MYH15: variants seen among roughly 807,000 people sequenced by gnomAD.
MYH15 encodes the protein myosin-15.
MYH15 carries 227 observed loss-of-function variants against 240.5 expected under a neutral mutation model. The observed-to-expected ratio is 0.94, with a 90% CI of 0.85 to 1.05. The LOEUF (loss-of-function observed/expected upper bound fraction) is 1.05, where lower values mean the gene tolerates loss of function less well. MYH15 is among the 50% of genes least tolerant of loss of function. The pLI is 0.00. For missense variants in MYH15, 2,217 were observed against 2,247.5 expected (o/e 0.99, Z 0.27); for synonymous variants, 785 against 796.7 (o/e 0.99, Z 0.25).
intron 34 of MYH15, 59 bp from the exon 35 acceptor site, chr3:108,398,899 C>G (rs1236297886): frequency 6.6e-7 from 1 of 1,525,356 alleles, no homozygotes; most frequent in Admixed American, 1.7e-5. Context: ...ATAGACTATG[C>G]ACCTACACAT....
the MYH15 span, among the ~76,000 whole-genome samples, chr3:108,547,685 T>G: frequency 6.6e-6 from 1 of 152,198 alleles, no homozygotes; most frequent in African/African-American, 2.4e-5. Flanking sequence ...TCGTGAATGA[T>G]ATGGGTGATG....
At chr3:108,520,678 A>C (rs2083611142) in intron 1 of MYH15, among the ~76,000 whole-genome samples, 1 of 152,174 alleles carries the variant, frequency 6.6e-6, no homozygotes, top group Non-Finnish European at 1.5e-5. Context: ...GACAATATTA[A>C]AAGAGAAGCA....
intron 36 of MYH15, 64 bp downstream of exon 36, chr3:108,393,967 C>T: frequency 6.2e-7 from 1 of 1,607,092 alleles, no homozygotes; most frequent in Non-Finnish European, 8.5e-7. Flanking sequence ...TGTGGCCCTG[C>T]CCCTTGGCCA....
Position 108,470,746 on chromosome 3 carries a change from C to A in MYH15, c.1335G>T (p.Arg445Ser). ...INRALDAKLS[R>S]QFFIGILDIT... is the part of the protein sequence containing the mutation. ...TGTCAAGAATGCCAATGAAGAACTGCCTTGACAGCTTGGCATCCAGGGCCC... is the reference window on the plus strand; with the variant it reads ...TGTCAAGAATGCCAATGAAGAACTGACTTGACAGCTTGGCATCCAGGGCCC... The change falls in exon 13 of 41, where the codon AGG becomes AGT. Residue 445 changes from arginine to serine, a missense_variant. Transcript: ENST00000693548. 6.2e-7 allele frequency: 1 copy of A among 1,613,796 alleles called. No individual in the cohort carries two copies. Among genetic ancestry groups the A allele is most frequent in the Non-Finnish European group, 8.5e-7 (1 of 1,179,854 alleles).
chr3:108,473,320 C>T (rs969685275), intron 12 of MYH15, among the ~76,000 whole-genome samples: 10 of 152,144 alleles, frequency 6.6e-5, no homozygotes, highest in African/African-American at 2.4e-4. Context: ...AAATTTTTAA[C>T]TATGTTGATC....
chr3:108,425,259 C>T (rs2082717241), intron 27 of MYH15, among the ~76,000 whole-genome samples: 1 of 152,116 alleles, frequency 6.6e-6, no homozygotes, highest in African/African-American at 2.4e-5. Flanking sequence ...CTAAAACTGG[C>T]AAGACTGGTT....
chr3:108,411,363 A>C (rs532685276), intron 30 of MYH15, among the ~76,000 whole-genome samples: 1 of 152,320 alleles, frequency 6.6e-6, no homozygotes, highest in African/African-American at 2.4e-5. Context: ...TGTTGCTTCT[A>C]AAGAACACTC....
intron 1 of MYH15, 85 bp downstream of exon 1, chr3:108,510,358 T>C (rs2083512262): frequency 6.6e-7 from 1 of 1,513,106 alleles, no homozygotes; most frequent in Non-Finnish European, 8.9e-7. Context: ...CTAGAACTGA[T>C]GGCTCTTCTC....
intron 7 of MYH15, among the ~76,000 whole-genome samples, chr3:108,495,097 C>T (rs1038643797): frequency 1.1e-4 from 17 of 152,150 alleles, no homozygotes; most frequent in African/African-American, 2.2e-4. Flanking sequence ...CTAGCCAAAT[C>T]GGCATGAGGT....
intron 2 of MYH15, among the ~76,000 whole-genome samples, chr3:108,502,324 A>G (rs1320565771): frequency 6.6e-6 from 1 of 152,122 alleles, no homozygotes; most frequent in Non-Finnish European, 1.5e-5. Context: ...ACTCCAGCTT[A>G]TTAGTTTGTC....
At chr3:108,497,690 T>C (rs2083402283) in intron 6 of MYH15, among the ~76,000 whole-genome samples, 1 of 152,154 alleles carries the variant, frequency 6.6e-6, no homozygotes, top group African/African-American at 2.4e-5. Flanking sequence ...GAATCTGATA[T>C]CTCACAGTAG....
upstream of MYH15, among the ~76,000 whole-genome samples, chr3:108,532,476 C>T (rs1023034654): frequency 6.6e-6 from 1 of 152,186 alleles, no homozygotes; most frequent in Admixed American, 6.5e-5. Context: ...AGCTTTCAAA[C>T]TGGAACTTAC....
At chr3:108,485,631 G>A (rs192538671) in intron 10 of MYH15, among the ~76,000 whole-genome samples, 167 of 152,248 alleles carry the variant, frequency 1.1e-3, no homozygotes, top group African/African-American at 3.5e-3. Context: ...TTCCAGAGGA[G>A]ACACATTTCA....
chr3:108,465,794 G>C (rs1318817702), intron 14 of MYH15, among the ~76,000 whole-genome samples: 1 of 152,098 alleles, frequency 6.6e-6, no homozygotes, highest in African/African-American at 2.4e-5. Context: ...AGGAATGGTG[G>C]TGTGTGCCTG....
chr3:108,511,366 C>T (rs578149942), upstream of MYH15, among the ~76,000 whole-genome samples: 118 of 152,190 alleles, frequency 7.8e-4, 3 homozygotes, highest in African/African-American at 2.7e-3. Flanking sequence ...AGGTGGCAAG[C>T]AGGTTACATG....
intron 30 of MYH15, among the ~76,000 whole-genome samples, chr3:108,411,623 T>C (rs900889460): frequency 5.9e-5 from 9 of 152,202 alleles, no homozygotes; most frequent in Non-Finnish European, 1.0e-4. Context: ...ACCCCCGTAA[T>C]ATGCTACTAT....
chr3:108,457,330 T>G (rs13060011), intron 18 of MYH15, among the ~76,000 whole-genome samples: 2 of 152,162 alleles, frequency 1.3e-5, no homozygotes, highest in Non-Finnish European at 2.9e-5. Flanking sequence ...AAGGGGAAGA[T>G]AGACACAACC....
chr3:108,478,728 T>C (rs898774366), intron 11 of MYH15, among the ~76,000 whole-genome samples: 18 of 151,914 alleles, frequency 1.2e-4, no homozygotes, highest in Admixed American at 5.3e-4. Flanking sequence ...TTTGGAAGCA[T>C]GAAGAGAGAT....
At chr3:108,522,034 T>C (rs1376834056) in intron 1 of MYH15, among the ~76,000 whole-genome samples, 2 of 151,992 alleles carry the variant, frequency 1.3e-5, no homozygotes, top group Non-Finnish European at 2.9e-5. Context: ...ACAAGACCGG[T>C]TTTAAGAGGG....
Sources: gnomAD v4.1 joint callset for allele counts (sites outside exome capture counted in the v4.1 genomes callset) on GRCh38, gnomAD v4.1.1 for gene constraint, MANE v1.5 for transcripts, NCBI Gene and HGNC (gene_info 2026-07-23, HGNC 2026-07-21) for gene names.